The following MARCHF1 variants were observed in gnomAD, a reference collection of about 807,000 sequenced individuals.
MARCHF1 encodes E3 ubiquitin-protein ligase MARCHF1.
In MARCHF1, 40 loss-of-function variants were observed where a neutral mutation model predicts 54.2. The ratio of observed to expected loss-of-function variants is 0.74; its 90% CI spans 0.57 to 0.96. MARCHF1 has a LOEUF of 0.96. MARCHF1 is among the 40% of genes least tolerant of loss of function. The pLI, the probability that MARCHF1 is intolerant of heterozygous loss-of-function variation, is 0.00. For synonymous variants in MARCHF1, 236 were observed against 236.3 expected, an observed-to-expected ratio of 1.00 and a Z score of 0.01; for missense variants, 586 against 656.5, an observed-to-expected ratio of 0.89 and a Z score of 1.17.
chr4:163,994,257 A>AGGTGTGT (rs1240127790), intron 2 of MARCHF1, among the ~76,000 whole-genome samples: 50 of 137,130 alleles, frequency 3.6e-4, no homozygotes, highest in African/African-American at 1.2e-3. Flanking sequence ...ATAGAGAAAA[A>AGGTGTGT]GTGTGTGTGT....
At chr4:164,035,617 C>A in intron 2 of MARCHF1, among the ~76,000 whole-genome samples, 1 of 111,008 alleles carries the variant, frequency 9.0e-6, no homozygotes. Flanking sequence ...AAGTAAACTG[C>A]CAGAGATAAA....
chr4:163,860,955 C>T (rs1749915058), intron 3 of MARCHF1, among the ~76,000 whole-genome samples: 1 of 152,008 alleles, frequency 6.6e-6, no homozygotes, highest in South Asian at 2.1e-4. Context: ...CTGGCAAAAA[C>T]AGTGAAGAGA....
At chr4:163,831,847 C>T (rs1749033353) in intron 4 of MARCHF1, among the ~76,000 whole-genome samples, 1 of 152,080 alleles carries the variant, frequency 6.6e-6, no homozygotes. Context: ...GAGCTTGAAC[C>T]ACTTAAGGGA....
At chr4:164,038,611 G>C (rs1754061440) in intron 2 of MARCHF1, among the ~76,000 whole-genome samples, 1 of 152,196 alleles carries the variant, frequency 6.6e-6, no homozygotes, top group Non-Finnish European at 1.5e-5. Flanking sequence ...GGTGGTCCAT[G>C]GTCCTTTTTT....
chr4:163,733,149 T>TTCTCTCTCTCTCTC (rs377396807), intron 4 of MARCHF1, among the ~76,000 whole-genome samples: 3 of 62,594 alleles, frequency 4.8e-5, no homozygotes, highest in African/African-American at 1.6e-4. Context: ...AAGACTCCAT[T>TTCTCTCTCTCTCTC]TCTCTCTCTC....
intron 4 of MARCHF1, among the ~76,000 whole-genome samples, chr4:163,796,411 G>A (rs1747917854): frequency 6.6e-6 from 1 of 151,730 alleles, no homozygotes; most frequent in Non-Finnish European, 1.5e-5. Context: ...GTAGAAAATT[G>A]CAACTTTTAT....
intron 5 of MARCHF1, among the ~76,000 whole-genome samples, chr4:163,639,238 TGAGTACATA>T (rs1362686389): frequency 6.6e-6 from 1 of 152,172 alleles, no homozygotes; most frequent in Admixed American, 6.5e-5. Context: ...TTTATTTCTT[TGAGTACATA>T]GCTGAAACCA....
At chr4:163,933,120 G>T in intron 3 of MARCHF1, 1 of 1,066,904 alleles carries the variant, frequency 9.4e-7, no homozygotes, top group Non-Finnish European at 1.4e-6. Context: ...GGCCATTGCA[G>T]AACTTGATAC....
chr4:163,806,186 A>C (rs985821313), intron 4 of MARCHF1, among the ~76,000 whole-genome samples: 2 of 152,208 alleles, frequency 1.3e-5, no homozygotes, highest in African/African-American at 4.8e-5. Flanking sequence ...GTTTTCTCCC[A>C]AACAACATTA....
At chr4:163,610,905 T>C (rs1741317482) in intron 7 of MARCHF1, among the ~76,000 whole-genome samples, 1 of 152,000 alleles carries the variant, frequency 6.6e-6, no homozygotes, top group African/African-American at 2.4e-5. Flanking sequence ...TCCCTCCTCT[T>C]GTTTCCTGCT....
At chr4:163,790,160 G>T (rs7692490) in intron 4 of MARCHF1, among the ~76,000 whole-genome samples, 122,944 of 151,970 alleles carry the variant, frequency 0.81, 50,445 homozygotes, top group South Asian at 0.9. Flanking sequence ...GAGAAAGAAA[G>T]GTATACTAAT....
chr4:163,815,988 A>G (rs907643106), intron 4 of MARCHF1, among the ~76,000 whole-genome samples: 2 of 152,212 alleles, frequency 1.3e-5, no homozygotes, highest in African/African-American at 4.8e-5. Flanking sequence ...GGAAATGCAC[A>G]TGTATTTACC....
At position 163,917,338 on chromosome 4, in the gene MARCHF1, G is replaced by T. The variant is rs75193819; in HGVS notation, c.-38-63169C>A. Among the ~76,000 whole-genome samples, 511 of 152,188 alleles carry T rather than the reference G, an allele frequency of 3.4e-3. 5 individuals carry two copies. The highest frequency in any genetic ancestry group is 0.011 in the African/African-American group (473 of 41,538). ...ACCTGTTAAACTCTCTTCCAACACA[G>T]TACTATTTTGTCTTCCAACAATGTA... On this transcript the variant is annotated intron_variant, in intron 3 of 9. Transcript: ENST00000514618.
chr4:163,622,994 A>T (rs1269473297), intron 5 of MARCHF1, among the ~76,000 whole-genome samples: 1 of 152,146 alleles, frequency 6.6e-6, no homozygotes, highest in African/African-American at 2.4e-5. Context: ...GCCAGGAGAC[A>T]TTTCCTACTG....
At chr4:164,105,366 T>C (rs1302801654) in intron 2 of MARCHF1, among the ~76,000 whole-genome samples, 2 of 150,544 alleles carry the variant, frequency 1.3e-5, no homozygotes, top group East Asian at 3.9e-4. Context: ...CTTCAAACTA[T>C]ACTACAAGGC....
intron 4 of MARCHF1, among the ~76,000 whole-genome samples, chr4:163,714,973 C>T (rs1745215195): frequency 6.6e-6 from 1 of 152,146 alleles, no homozygotes; most frequent in East Asian, 1.9e-4. Flanking sequence ...TGAGCCACTG[C>T]ACCCAGCCTA....
At chr4:164,076,106 G>C in intron 2 of MARCHF1, among the ~76,000 whole-genome samples, 2 of 150,520 alleles carry the variant, frequency 1.3e-5, no homozygotes, top group East Asian at 3.9e-4. Context: ...TTTCATTCTA[G>C]GACCCAAAGA....
intron 1 of MARCHF1, among the ~76,000 whole-genome samples, chr4:164,309,238 C>A (rs1174328246): frequency 6.7e-6 from 1 of 150,148 alleles, no homozygotes; most frequent in Non-Finnish European, 1.5e-5. Flanking sequence ...CTCCCAAGTG[C>A]TGGTTAATTT....
chr4:163,732,119 A>G lies in MARCHF1; in HGVS notation c.112-31256T>C, dbSNP rs536589785. On this transcript the variant is annotated intron_variant, in intron 4 of 9. Coordinates refer to ENST00000514618, the MANE Select transcript of MARCHF1 (RefSeq NM_001394959.1). ...AAAATCAATCATTCAAAACTTATATATAAATGACACAGATAATAGAATTAA... is the reference window on the plus strand; with the variant it reads ...AAAATCAATCATTCAAAACTTATATGTAAATGACACAGATAATAGAATTAA... Among the ~76,000 whole-genome samples the G allele has an allele frequency of 1.3e-4, 20 of 152,066 alleles. No individual in the cohort carries two copies. The East Asian group carries it at 3.1e-3, about 23-fold the overall frequency.
Sources: allele counts gnomAD v4.1 joint callset (sites outside exome capture counted in the v4.1 genomes callset), GRCh38; gene constraint gnomAD v4.1.1; transcripts MANE v1.5; gene names NCBI Gene and HGNC (gene_info 2026-07-23, HGNC 2026-07-21).